DLGAP1: variants seen among roughly 807,000 people sequenced by gnomAD.
The protein encoded by DLGAP1 is DLG associated protein 1.
DLGAP1 carries 11 observed loss-of-function variants against 90.8 expected under a neutral mutation model. The ratio of observed to expected loss-of-function variants is 0.12; its 90% CI spans 0.08 to 0.20. The LOEUF (loss-of-function observed/expected upper bound fraction) is 0.20, where lower values mean the gene tolerates loss of function less well. Ranked by LOEUF, DLGAP1 falls within the 10% of genes least tolerant of loss-of-function variation. The pLI is 1.00. For synonymous variants in DLGAP1, 558 were observed against 540.7 expected (o/e 1.03, Z -0.44); for missense variants, 1,050 against 1,333.8 (o/e 0.79, Z 3.31).
chr18:4,439,574 G>A (rs2144814450), intron 1 of DLGAP1, among the ~76,000 whole-genome samples: 1 of 152,264 alleles, frequency 6.6e-6, no homozygotes, highest in African/African-American at 2.4e-5. Flanking sequence ...GGGAAGCAAA[G>A]GCAGGAGGAT....
At chr18:3,960,931 C>T (rs1599224685) in intron 3 of DLGAP1, among the ~76,000 whole-genome samples, 1 of 152,350 alleles carries the variant, frequency 6.6e-6, no homozygotes, top group East Asian at 1.9e-4. Context: ...TGAACTTCTT[C>T]TGGCCAGTGA....
chr18:3,594,825 A>G (rs123613), intron 7 of DLGAP1, among the ~76,000 whole-genome samples: 3,055 of 152,298 alleles, frequency 0.02, 117 homozygotes, highest in African/African-American at 0.07. Flanking sequence ...GGATTCCTGC[A>G]GGGTGGGACT....
intron 1 of DLGAP1, among the ~76,000 whole-genome samples, chr18:4,312,828 T>A (rs2080433682): frequency 2.6e-5 from 4 of 152,190 alleles, no homozygotes; most frequent in Admixed American, 2.6e-4. Context: ...TACTAGAATT[T>A]AAGTGACTTT....
intron 5 of DLGAP1, among the ~76,000 whole-genome samples, chr18:3,750,683 C>T (rs1000302226): frequency 2.0e-5 from 3 of 152,200 alleles, no homozygotes; most frequent in Non-Finnish European, 4.4e-5. Context: ...ACGGAGGCTC[C>T]TTGGGTGAAT....
chr18:3,819,181 G>A (rs2067265567), intron 4 of DLGAP1, among the ~76,000 whole-genome samples: 1 of 151,900 alleles, frequency 6.6e-6, no homozygotes, highest in African/African-American at 2.4e-5. Flanking sequence ...GTGATGGTGG[G>A]TGCCTGTAAT....
chr18:4,240,875 G>A (rs2078520223), intron 1 of DLGAP1, among the ~76,000 whole-genome samples: 1 of 152,124 alleles, frequency 6.6e-6, no homozygotes, highest in East Asian at 1.9e-4. Flanking sequence ...GCAATCATAC[G>A]AACTTACACA....
rs138917700 is a variant in DLGAP1 at position 4,321,776 on chromosome 18, G to A, written c.-267+133230C>T. On this transcript the variant is annotated intron_variant, in intron 1 of 12. Transcript: ENST00000315677. Reference sequence around the variant, plus strand: ...GTTTCTAGGTATTATGTAACAAAATGAGGCAGGAGAAGTAAATTAAGCGTA... The same window carrying A: ...GTTTCTAGGTATTATGTAACAAAATAAGGCAGGAGAAGTAAATTAAGCGTA... 2.0e-4 allele frequency among the ~76,000 whole-genome samples: 30 copies of A among 152,308 alleles called. No homozygotes were observed. The East Asian group carries it at 5.4e-3, about 27-fold the overall frequency.
At chr18:4,110,058 G>C (rs980457077) in intron 2 of DLGAP1, among the ~76,000 whole-genome samples, 1 of 151,772 alleles carries the variant, frequency 6.6e-6, no homozygotes, top group African/African-American at 2.4e-5. Context: ...ATTGCTTAAC[G>C]ATGGGGATAC....
chr18:3,601,305 C>T (rs1324773310), intron 7 of DLGAP1, among the ~76,000 whole-genome samples: 5 of 151,816 alleles, frequency 3.3e-5, no homozygotes, highest in Non-Finnish European at 7.4e-5. Context: ...AGGCTGGTCT[C>T]GAACTCCTGA....
At position 3,526,982 on chromosome 18, in the gene DLGAP1, C is replaced by CA. The variant is rs879558929; in HGVS notation, c.2479+7211dup. Among the ~76,000 whole-genome samples, 74 of 138,522 alleles carry CA rather than the reference C, an allele frequency of 5.3e-4. No homozygotes were observed. In the East Asian group the frequency reaches 6.8e-3, roughly 13 times the overall value. 90.9% of individuals were successfully genotyped at this position (138,522 alleles called of 152,430 possible). On this transcript the variant is annotated intron_variant, in intron 10 of 12. Coordinates refer to ENST00000315677, the MANE Select transcript of DLGAP1 (RefSeq NM_004746.4). This position sits in a 1 kb window ranked among gnomAD's most constrained non-coding sequence, Gnocchi z 4.7. ...CAGTTTCATTATTTTATTATCAAGC[C>CA]AAAAAAAAAAAGGTACTGTCGACGG... is the stretch of plus-strand genomic sequence containing the variant.
chr18:3,874,853 T>C (rs1001668183), intron 4 of DLGAP1: 2 of 1,136,200 alleles, frequency 1.8e-6, no homozygotes, highest in Non-Finnish European at 2.3e-6. Flanking sequence ...AGCTTGTGAG[T>C]GAGCACTTAT....
chr18:3,816,682 A>G (rs1182188351), intron 4 of DLGAP1, among the ~76,000 whole-genome samples: 3 of 152,194 alleles, frequency 2.0e-5, no homozygotes. Context: ...GGGTGGTATT[A>G]TTATTATTCC....
At position 3,622,813 on chromosome 18, in the gene DLGAP1, C is replaced by CT. The variant is rs979834752; in HGVS notation, c.1592-40566dup. On this transcript the variant is annotated intron_variant, in intron 7 of 12. Coordinates refer to ENST00000315677, the MANE Select transcript of DLGAP1 (RefSeq NM_004746.4). ...CATTGATTTCTTTTTTTTTCTTTTTCTTTTTTTTTGAGATAGAGTCTCTCT... is the reference window on the plus strand; with the variant it reads ...CATTGATTTCTTTTTTTTTCTTTTTCTTTTTTTTTTGAGATAGAGTCTCTCT... Among the ~76,000 whole-genome samples the CT allele has an allele frequency of 7.7e-3, 1,160 of 150,372 alleles. 16 individuals carry two copies. Among genetic ancestry groups the CT allele is most frequent in the African/African-American group, 0.026 (1,070 of 40,984 alleles).
At chr18:4,296,206 A>G (rs1265592353) in intron 1 of DLGAP1, among the ~76,000 whole-genome samples, 1 of 152,220 alleles carries the variant, frequency 6.6e-6, no homozygotes, top group Non-Finnish European at 1.5e-5. Flanking sequence ...TTAAGCACGC[A>G]GCCTTCCTTT....
At position 3,659,719 on chromosome 18, in the gene DLGAP1, C is replaced by T. The variant is rs532244396; in HGVS notation, c.1591+69416G>A. 5.9e-5 allele frequency among the ~76,000 whole-genome samples: 9 copies of T among 152,220 alleles called. No homozygotes were observed. In the East Asian group the frequency reaches 1.2e-3, roughly 20 times the overall value. Reference sequence around the variant, plus strand: ...TAGCTGGGACTACAGGCACGCCTGACCACACCCAGCTAAGTTTCGTATTTT... The same window carrying T: ...TAGCTGGGACTACAGGCACGCCTGATCACACCCAGCTAAGTTTCGTATTTT... On this transcript the variant is annotated intron_variant, in intron 7 of 12. Transcript: ENST00000315677.
chr18:3,691,353 G>C (rs1010951300), intron 7 of DLGAP1, among the ~76,000 whole-genome samples: 1 of 151,874 alleles, frequency 6.6e-6, no homozygotes, highest in Admixed American at 6.6e-5. Context: ...CCTTGAACCT[G>C]GGAGATGGAG....
At chr18:4,447,896 C>T (rs1049629177) in intron 1 of DLGAP1, among the ~76,000 whole-genome samples, 1 of 152,184 alleles carries the variant, frequency 6.6e-6, no homozygotes. Flanking sequence ...TTCTTCACGT[C>T]ACTGCCTATT....
chr18:4,363,708 A>G (rs2081685621), intron 1 of DLGAP1, among the ~76,000 whole-genome samples: 1 of 152,190 alleles, frequency 6.6e-6, no homozygotes, highest in Non-Finnish European at 1.5e-5. Context: ...ACAATGAGAT[A>G]CCATCTCACA....
rs181399687 is a variant in DLGAP1 at position 4,187,880 on chromosome 18, C to T, written c.-266-36593G>A. 1.8e-3 allele frequency among the ~76,000 whole-genome samples: 275 copies of T among 151,786 alleles called. 1 individual carries two copies. Among genetic ancestry groups the T allele is most frequent in the African/African-American group, 5.6e-3 (231 of 41,460 alleles). Reference sequence around the variant, plus strand: ...GGTGTGGTGGTGTGCACCTGTAATCCCAGCTATTTGGAAGTCTGAGGCACG... The same window carrying T: ...GGTGTGGTGGTGTGCACCTGTAATCTCAGCTATTTGGAAGTCTGAGGCACG... On this transcript the variant is annotated intron_variant, in intron 1 of 12. Transcript: ENST00000315677.
Sources: gnomAD v4.1 joint callset for allele counts (sites outside exome capture counted in the v4.1 genomes callset) on GRCh38, gnomAD v4.1.1 for gene constraint, Gnocchi (gnomAD v3.1) non-coding constraint, MANE v1.5 for transcripts, NCBI Gene and HGNC (gene_info 2026-07-23, HGNC 2026-07-21) for gene names.